The following SRGAP1 variants were observed in gnomAD, a reference collection of about 807,000 sequenced individuals.
SRGAP1 encodes SLIT-ROBO Rho GTPase activating protein 1, also known as SLIT-ROBO Rho GTPase-activating protein 1.
A neutral mutation model predicts 121.9 loss-of-function variants in SRGAP1; 43 were observed. The observed-to-expected ratio is 0.35, with a 90% CI of 0.28 to 0.46. The LOEUF (loss-of-function observed/expected upper bound fraction) is 0.46. Among genes scored for constraint, SRGAP1 ranks in the 20% least tolerant of loss-of-function variants. The pLI is 1.00. For missense variants in SRGAP1, 1,102 were observed against 1,350.9 expected (o/e 0.82, Z 2.89); for synonymous variants, 447 against 485.4 (o/e 0.92, Z 1.04).
chr12:63,956,198 A>G (rs540299219), intron 1 of SRGAP1, among the ~76,000 whole-genome samples: 2 of 152,054 alleles, frequency 1.3e-5, no homozygotes, highest in South Asian at 2.1e-4. Context: ...GAAAAGTACA[A>G]AATTACTGGC....
intron 1 of SRGAP1, among the ~76,000 whole-genome samples, chr12:63,858,081 GTT>G (rs1592887878): frequency 6.6e-6 from 1 of 151,846 alleles, no homozygotes; most frequent in Non-Finnish European, 1.5e-5. Flanking sequence ...TTGATATTAT[GTT>G]TTTTCTTCTT....
At chr12:64,067,956 G>A (rs1296533642) in intron 8 of SRGAP1, among the ~76,000 whole-genome samples, 2 of 151,852 alleles carry the variant, frequency 1.3e-5, no homozygotes, top group African/African-American at 4.8e-5. Context: ...TTTCACCCAA[G>A]TTTTAAAAAG....
chr12:64,081,329 A>C (rs2035834553), intron 10 of SRGAP1: 1 of 152,154 alleles, frequency 6.6e-6, no homozygotes, highest in Non-Finnish European at 1.5e-5. Flanking sequence ...ACCTTCCTTA[A>C]CCATAAAGTT....
chr12:64,116,755 AT>A (rs1314968785), intron 18 of SRGAP1, among the ~76,000 whole-genome samples: 20 of 152,296 alleles, frequency 1.3e-4, no homozygotes, highest in Admixed American at 1.2e-3. Context: ...TCTAGGATGT[AT>A]GCCTAGGAGT....
At chr12:63,992,875 G>A (rs573133231) in intron 3 of SRGAP1, among the ~76,000 whole-genome samples, 1 of 152,212 alleles carries the variant, frequency 6.6e-6, no homozygotes, top group Non-Finnish European at 1.5e-5. Flanking sequence ...CATTTAGTAG[G>A]GGGAATGCTC....
chr12:64,053,862 G>A (rs1159038602), intron 6 of SRGAP1, among the ~76,000 whole-genome samples: 5 of 152,150 alleles, frequency 3.3e-5, no homozygotes, highest in African/African-American at 1.2e-4. Flanking sequence ...AATGCTGAGA[G>A]TTCCAAAAGA....
intron 1 of SRGAP1, among the ~76,000 whole-genome samples, chr12:63,964,625 CTG>C (rs1291349451): frequency 6.7e-6 from 1 of 150,294 alleles, no homozygotes; most frequent in Non-Finnish European, 1.5e-5. Flanking sequence ...CCTAGTTACA[CTG>C]TGGGTTTTCT....
Position 64,063,087 on chromosome 12 carries a change from T to G in SRGAP1, c.972T>G (p.Ala324=), listed in dbSNP as rs1321114885. 1 of 1,614,148 alleles carries G rather than the reference T, an allele frequency of 6.2e-7. No homozygotes were observed. Residue 324 remains alanine (A), a synonymous_variant, in exon 7 of 22, where the codon GCT becomes GCG. Coordinates refer to ENST00000355086, the MANE Select transcript of SRGAP1 (RefSeq NM_020762.4). ...DKQRFMEMYP[A]AFCPPMKFEF... is the part of the protein sequence containing the mutation. ...AGAGATTCATGGAGATGTACCCTGC[T>G]GCGTTCTGTCCACCAATGAAGTTTG...
chr12:64,145,017 G>A lies in SRGAP1; in HGVS notation c.*2345G>A, dbSNP rs1421650879. ...AGCTAATTTTTGTATTTTTAGTAGA[G>A]ATGGGGTGTCACCATGTTGGCCAGG... On this transcript the variant is annotated 3_prime_UTR_variant, in exon 22 of 22. Coordinates refer to ENST00000355086, the MANE Select transcript of SRGAP1 (RefSeq NM_020762.4). 1 of 151,770 alleles carries A rather than the reference G, an allele frequency of 6.6e-6. No individual in the cohort carries two copies. The highest frequency in any genetic ancestry group is 1.5e-5 in the Non-Finnish European group (1 of 68,060). 9.4% of individuals were successfully genotyped at this position (151,770 alleles called of 1,614,324 possible).
At chr12:63,945,171 T>C (rs2032003185) in intron 1 of SRGAP1, among the ~76,000 whole-genome samples, 1 of 152,120 alleles carries the variant, frequency 6.6e-6, no homozygotes, top group Admixed American at 6.5e-5. Context: ...TCAGCACTTT[T>C]ACTTTTAACT....
chr12:64,094,426 A>T (rs1053420649), intron 12 of SRGAP1, among the ~76,000 whole-genome samples: 3 of 152,194 alleles, frequency 2.0e-5, no homozygotes, highest in African/African-American at 7.2e-5. Flanking sequence ...TCTGATGCAA[A>T]CTAAGTAAAT....
intron 1 of SRGAP1, among the ~76,000 whole-genome samples, chr12:63,845,920 C>T (rs1366102328): frequency 2.6e-5 from 4 of 152,174 alleles, no homozygotes; most frequent in African/African-American, 9.7e-5. Context: ...AGAGGCATTA[C>T]TGTACTTCCC....
chr12:63,975,760 A>G (rs1190982229), intron 1 of SRGAP1, among the ~76,000 whole-genome samples: 1 of 152,180 alleles, frequency 6.6e-6, no homozygotes, highest in African/African-American at 2.4e-5. Context: ...CTACTCCTTG[A>G]TAACAGATTA....
Position 64,147,742 on chromosome 12 carries a change from G to T in SRGAP1, c.*5070G>T. 5.0e-6 allele frequency: 2 copies of T among 398,350 alleles called. No individual in the cohort carries two copies. The highest frequency in any genetic ancestry group is 8.8e-6 in the Non-Finnish European group (2 of 226,020). The allele number at this position is 398,350 out of a possible 1,614,324, so 24.7% of individuals were successfully genotyped here. On this transcript the variant is annotated 3_prime_UTR_variant, in exon 22 of 22. Transcript: ENST00000355086. ...ACAATGCACTTTTATGTATAGTACT[G>T]TACATTTTTGGCATGTACCATTACA... is the stretch of plus-strand genomic sequence containing the variant.
At chr12:63,848,025 A>T (rs1898958422) in intron 1 of SRGAP1, among the ~76,000 whole-genome samples, 1 of 150,892 alleles carries the variant, frequency 6.6e-6, no homozygotes, top group Non-Finnish European at 1.5e-5. Flanking sequence ...ATATATATAT[A>T]AAAGGAGTAT....
At chr12:63,853,487 G>A (rs1025391205) in intron 1 of SRGAP1, among the ~76,000 whole-genome samples, 2 of 152,110 alleles carry the variant, frequency 1.3e-5, no homozygotes, top group Non-Finnish European at 2.9e-5. Context: ...CTTTACCACT[G>A]GTTTTTGAAG....
rs201925665 is a variant in SRGAP1, at chr12:64,127,899, G to A, written c.2579G>A (p.Arg860His). Residue 860 changes from arginine to histidine, a missense_variant, in exon 21 of 22, where the codon CGT becomes CAT. Around this residue, in one of 3 missense-constraint regions of SRGAP1, gnomAD observed 315 missense variants for 343.1 expected, o/e 0.92. Transcript: ENST00000355086. Reference sequence around the variant, plus strand: ...GGAGAGCCACCCCCTCCAGTAAGGCGTCCTGGCAGGACCAGTGATGGCCAT... The same window carrying A: ...GGAGAGCCACCCCCTCCAGTAAGGCATCCTGGCAGGACCAGTGATGGCCAT... ...KRGEPPPPVR[R>H]PGRTSDGHCP... 2.0e-5 allele frequency: 32 copies of A among 1,613,678 alleles called. No homozygotes were observed. The highest frequency in any genetic ancestry group is 1.0e-4 in the Admixed American group (6 of 59,992).
rs571899088 is a variant in SRGAP1 at position 64,055,341 on chromosome 12, A to G, written c.802-7576A>G. Among the ~76,000 whole-genome samples the G allele has an allele frequency of 9.0e-3, 1,325 of 147,742 alleles. 13 individuals are homozygous for G. The highest frequency in any genetic ancestry group is 0.031 in the African/African-American group (1,232 of 39,564). ...AAGGAGAACTACAAACCACTGCTCA[A>G]GGAAATAAAAGAGGATACAAACAAA... On this transcript the variant is annotated intron_variant, in intron 6 of 21. Coordinates refer to ENST00000355086, the MANE Select transcript of SRGAP1 (RefSeq NM_020762.4).
rs1207363449 is a variant in SRGAP1, at chr12:64,160,096, C to G, written c.*17424C>G. On this transcript the variant is annotated 3_prime_UTR_variant, in exon 22 of 22. Coordinates refer to ENST00000355086, the MANE Select transcript of SRGAP1 (RefSeq NM_020762.4). ...ATGCTATAGTTTATAAATCTTGGATCCATCACTTAAAGAGGCATTTGACCT... is the reference window on the plus strand; with the variant it reads ...ATGCTATAGTTTATAAATCTTGGATGCATCACTTAAAGAGGCATTTGACCT... The G allele has an allele frequency of 6.6e-6, 1 of 152,168 alleles. No homozygotes were observed. The highest frequency in any genetic ancestry group is 1.5e-5 in the Non-Finnish European group (1 of 68,028). 9.4% of individuals were successfully genotyped at this position (152,168 alleles called of 1,614,324 possible).
Sources: allele counts gnomAD v4.1 joint callset (sites outside exome capture counted in the v4.1 genomes callset), GRCh38; gene constraint gnomAD v4.1.1; regional missense constraint gnomAD v4.1.1; transcripts MANE v1.5; gene names NCBI Gene and HGNC (gene_info 2026-07-23, HGNC 2026-07-21).